Variants in PODNL1 observed in about 807,000 individuals in gnomAD.
The protein encoded by PODNL1 is podocan like 1.
In PODNL1, 50 loss-of-function variants were observed where a neutral mutation model predicts 45.1. The ratio of observed to expected loss-of-function variants is 1.11; its 90% confidence interval spans 0.88 to 1.40. PODNL1 has a LOEUF of 1.40. Ranked by LOEUF, PODNL1 falls within the 40% of genes most tolerant of loss-of-function variation. The pLI is 0.00. For synonymous variants in PODNL1, 406 were observed against 372.5 expected (o/e 1.09, Z -1.04); for missense variants, 788 against 793.3 (o/e 0.99, Z 0.08).
intron 1 of PODNL1, among the ~76,000 whole-genome samples, chr19:13,945,763 G>T (rs1320707117): frequency 6.6e-6 from 1 of 151,932 alleles, no homozygotes; most frequent in Non-Finnish European, 1.5e-5. Context: ...GGGATTACAG[G>T]CGTAAGCCAC....
At chr19:13,952,144 TC>T (rs1309140808) in intron 1 of PODNL1, among the ~76,000 whole-genome samples, 1 of 152,186 alleles carries the variant, frequency 6.6e-6, no homozygotes, top group East Asian at 1.9e-4. Flanking sequence ...GACCACAGGC[TC>T]CCGTCGCCCC....
rs142249245 is a variant in PODNL1 at position 13,947,917 on chromosome 19, G to A, written c.18+5202C>T. On this transcript the variant is annotated intron_variant, in intron 1 of 7. Coordinates refer to the PODNL1 transcript ENST00000538371. Reference sequence around the variant, plus strand: ...TCTGTTGCCCAGGCTGAAGTGCAGTGGTGCGATCATGGCTCACTTGCAGCC... The same window carrying A: ...TCTGTTGCCCAGGCTGAAGTGCAGTAGTGCGATCATGGCTCACTTGCAGCC... Among the ~76,000 whole-genome samples, 1,042 of 152,212 alleles carry A rather than the reference G, an allele frequency of 6.8e-3. 6 individuals carry two copies. The highest frequency in any genetic ancestry group is 0.013 in the Non-Finnish European group (859 of 68,024).
chr19:13,935,036 A>G (rs372314909), intron 5 of PODNL1, among the ~76,000 whole-genome samples: 25 of 149,188 alleles, frequency 1.7e-4, no homozygotes, highest in East Asian at 8.0e-4. Context: ...AAGTGTGTGC[A>G]GGTGTGTATG....
At chr19:13,939,483 A>G (rs955042563), upstream of PODNL1, among the ~76,000 whole-genome samples, 20 of 152,046 alleles carry the variant, frequency 1.3e-4, no homozygotes, top group African/African-American at 4.6e-4. Flanking sequence ...AAGTGCTCGG[A>G]TTACAGGCAT....
intron 5 of PODNL1, 142 bp from the exon 6 acceptor site, chr19:13,934,552 G>A: frequency 1.2e-6 from 1 of 840,220 alleles, no homozygotes; most frequent in Middle Eastern, 3.7e-4. Flanking sequence ...GAGTCTGTGT[G>A]GGAATGTAAT....
intron 1 of PODNL1, among the ~76,000 whole-genome samples, chr19:13,946,744 C>T (rs182447367): frequency 8.5e-5 from 13 of 152,058 alleles, no homozygotes; most frequent in African/African-American, 2.9e-4. Context: ...GTCCAAGTGA[C>T]GAACGATCAG....
Position 13,931,901 on chromosome 19 carries a change from C to A in PODNL1, c.1575-14G>T. 1 of 1,232,044 alleles carries A rather than the reference C, an allele frequency of 8.1e-7. No homozygotes were observed. The highest frequency in any genetic ancestry group is 1.0e-6 in the Non-Finnish European group (1 of 987,938). The allele number at this position is 1,232,044 out of a possible 1,614,324, so 76.3% of individuals were successfully genotyped here. The stretch of plus-strand genomic sequence containing the variant: ...AGCCTGTTGGCCCTGCACAGAGAGG[C>A]GGTCATGACCCTCCCAGGCCCTCCC... On this transcript the variant is annotated splice_polypyrimidine_tract_variant and intron_variant, in intron 9 of 9. Coordinates refer to ENST00000588872, the MANE Select transcript of PODNL1 (RefSeq NM_001370095.3).
chr19:13,951,339 A>G (rs1017544458), intron 1 of PODNL1, among the ~76,000 whole-genome samples: 1 of 151,968 alleles, frequency 6.6e-6, no homozygotes, highest in Non-Finnish European at 1.5e-5. Context: ...GATTGTTCAG[A>G]GGATTAAATG....
intron 1 of PODNL1, 49 bp downstream of exon 1, chr19:13,938,129 TG>T (rs1477281919): frequency 3.1e-5 from 48 of 1,542,998 alleles, no homozygotes; most frequent in Middle Eastern, 1.8e-4. Flanking sequence ...AGAGCAGGGG[TG>T]GGGGGGCAGG....
chr19:13,933,146 G>A lies in PODNL1; in HGVS notation c.1077C>T (p.Pro359=), dbSNP rs768557278. The change falls in exon 8 of 10, where the codon CCC becomes CCT. Residue 359 remains proline (P), a synonymous_variant. Coordinates refer to ENST00000588872, the MANE Select transcript of PODNL1 (RefSeq NM_001370095.3). The surrounding 1 kb of genome is among the most constrained non-coding windows in gnomAD (Gnocchi z 5.2). Reference sequence around the variant, plus strand: ...CACCCAGCGCGGCCACGTGGTTGTGGGGCAGCACCAGGGCACGCAGGCGGC... The same window carrying A: ...CACCCAGCGCGGCCACGTGGTTGTGAGGCAGCACCAGGGCACGCAGGCGGC... The part of the protein sequence containing the change: ...LPRRLRALVL[P]HNHVAALGAR... 7.2e-6 allele frequency: 11 copies of A among 1,529,946 alleles called. No homozygotes were observed. Among genetic ancestry groups the A allele is most frequent in the South Asian group, 4.8e-5 (4 of 83,176 alleles). The allele number at this position is 1,529,946 out of a possible 1,614,324, so 94.8% of individuals were successfully genotyped here.
chr19:13,934,891 A>T (rs1227298604), intron 5 of PODNL1, among the ~76,000 whole-genome samples: 1 of 149,538 alleles, frequency 6.7e-6, no homozygotes, highest in Non-Finnish European at 1.5e-5. Context: ...AACTGTGTGT[A>T]TGCATGTATG....
At chr19:13,953,364 C>A (rs149678624) in exon 1 of PODNL1, 3 of 491,442 alleles carry the variant, frequency 6.1e-6, no homozygotes, top group African/African-American at 2.1e-5. Flanking sequence ...GCGCCTTCTC[C>A]GTGAGGCTGG....
At position 13,932,074 on chromosome 19, in the gene PODNL1, G is replaced by A; in HGVS notation, c.1464C>T (p.Pro488=). Residue 488 remains proline, a synonymous_variant, in exon 9 of 10, where the codon CCC becomes CCT. Coordinates refer to ENST00000588872, the MANE Select transcript of PODNL1 (RefSeq NM_001370095.3). The stretch of plus-strand genomic sequence containing the variant: ...CCTCTAGGGCCTCAGGCAGGTCCGG[G>A]GGCACAAAGGACAGCTCATTGTGGC... The part of the protein sequence containing the change: ...DLSHNELSFV[P]PDLPEALEEL... The A allele has an allele frequency of 1.6e-6, 2 of 1,232,804 alleles. No homozygotes were observed. Among genetic ancestry groups the A allele is most frequent in the Non-Finnish European group, 2.0e-6 (2 of 988,464 alleles). 76.4% of individuals were successfully genotyped at this position (1,232,804 alleles called of 1,614,324 possible).
chr19:13,937,381 C>T (rs1304682209), intron 2 of PODNL1, among the ~76,000 whole-genome samples: 3 of 103,776 alleles, frequency 2.9e-5, no homozygotes, highest in East Asian at 3.1e-4. Flanking sequence ...GACCACAATG[C>T]GACATCACCC....
At chr19:13,940,535 T>G (rs1418970309), upstream of PODNL1, among the ~76,000 whole-genome samples, 2 of 111,658 alleles carry the variant, frequency 1.8e-5, no homozygotes, top group African/African-American at 7.0e-5. Flanking sequence ...CACGCCACTG[T>G]ACTCCAGCCT....
At chr19:13,937,360 C>A (rs1259069970) in intron 2 of PODNL1, among the ~76,000 whole-genome samples, 1 of 109,034 alleles carries the variant, frequency 9.2e-6, no homozygotes, top group Non-Finnish European at 1.9e-5. Context: ...TGCGCCATCA[C>A]CCCCACAATC....
chr19:13,950,321 G>T (rs1972957382), intron 1 of PODNL1, among the ~76,000 whole-genome samples: 1 of 152,242 alleles, frequency 6.6e-6, no homozygotes, highest in Admixed American at 6.5e-5. Context: ...GCGTGTGCCA[G>T]TAGAGTCAGT....
At chr19:13,941,418 G>T (rs145411996), upstream of PODNL1, among the ~76,000 whole-genome samples, 1 of 152,064 alleles carries the variant, frequency 6.6e-6, no homozygotes, top group Non-Finnish European at 1.5e-5. Context: ...AGTGGCCAAG[G>T]CCAGGAGTTG....
At position 13,937,958 on chromosome 19, in the gene PODNL1, C is replaced by CGACGG; in HGVS notation, c.47_51dup (p.Ala18ProfsTer135). On this transcript the variant is annotated frameshift_variant, in exon 2 of 10. Transcript: ENST00000588872. LOFTEE classifies it high-confidence loss of function. ...GGGAAGGCAGCGTCTTCCAAGCCGG[C>CGACGG]GACGGGCGGGGGCCCCGGCAACAGC... 6.5e-7 allele frequency: 1 copy of CGACGG among 1,542,428 alleles called. No individual in the cohort carries two copies. The highest frequency in any genetic ancestry group is 2.0e-5 in the Admixed American group (1 of 50,676).
Sources: gnomAD v4.1 joint callset for allele counts (sites outside exome capture counted in the v4.1 genomes callset) on GRCh38, gnomAD v4.1.1 for gene constraint, Gnocchi (gnomAD v3.1) non-coding constraint, MANE v1.5 for transcripts, NCBI Gene and HGNC (gene_info 2026-07-23, HGNC 2026-07-21) for gene names.